The following GAB2 variants were observed in gnomAD, a reference collection of about 807,000 sequenced individuals.
GAB2 encodes GRB2-associated-binding protein 2.
A neutral mutation model predicts 65.5 loss-of-function variants in GAB2; 26 were observed. That is an observed-to-expected ratio of 0.40 (90% CI 0.29 to 0.55). GAB2 has a LOEUF of 0.55. Ranked by LOEUF, GAB2 falls within the 20% of genes least tolerant of loss-of-function variation. The probability of loss-of-function intolerance (pLI) is 0.53; values close to 1 mark genes in which losing one functional copy is unlikely to be tolerated. For missense variants in GAB2, 884 were observed against 875.8 expected (o/e 1.01, Z -0.12); for synonymous variants, 321 against 329.6 (o/e 0.97, Z 0.28).
intron 1 of GAB2, among the ~76,000 whole-genome samples, chr11:78,282,262 C>A (rs1056381303): frequency 2.6e-5 from 4 of 151,910 alleles, no homozygotes; most frequent in African/African-American, 9.7e-5. Flanking sequence ...CTACATATAA[C>A]AGAAATCTGC....
chr11:78,241,958 A>G (rs996956775), intron 3 of GAB2, among the ~76,000 whole-genome samples: 2 of 152,226 alleles, frequency 1.3e-5, no homozygotes, highest in Non-Finnish European at 2.9e-5. Context: ...GATCAAATGG[A>G]CCTAACAACA....
chr11:78,266,509 T>TA (rs1865880267), intron 2 of GAB2, among the ~76,000 whole-genome samples: 1 of 152,214 alleles, frequency 6.6e-6, no homozygotes, highest in South Asian at 2.1e-4. Context: ...GATTAAAACT[T>TA]ACATTTCTAT....
intron 1 of GAB2, among the ~76,000 whole-genome samples, chr11:78,329,070 T>C (rs376682369): frequency 1.4e-4 from 21 of 152,324 alleles, no homozygotes; most frequent in Admixed American, 4.6e-4. Context: ...AAGGAATGGA[T>C]AGACAAATAG....
chr11:78,333,578 T>C (rs1441733947), intron 1 of GAB2, among the ~76,000 whole-genome samples: 3 of 152,210 alleles, frequency 2.0e-5, no homozygotes, highest in East Asian at 1.9e-4. Flanking sequence ...CAGTGGCATA[T>C]TTTTATACAC....
rs1335395792 is a variant in GAB2, at chr11:78,216,818, G to C, written c.*2454C>G. 1 of 152,200 alleles carries C rather than the reference G, an allele frequency of 6.6e-6. No homozygotes were observed. Among genetic ancestry groups the C allele is most frequent in the African/African-American group, 2.4e-5 (1 of 41,434 alleles). 9.4% of individuals were successfully genotyped at this position (152,200 alleles called of 1,614,324 possible). On this transcript the variant is annotated 3_prime_UTR_variant, in exon 10 of 10. Transcript: ENST00000361507. ...CCAGTTAAAAGCTCTGTCGTATGGG[G>C]CCCCTTGTAGGGGGCCTTTAAGGCA...
At chr11:78,401,518 G>T (rs1488022574) in intron 1 of GAB2, among the ~76,000 whole-genome samples, 3 of 147,872 alleles carry the variant, frequency 2.0e-5, no homozygotes, top group Non-Finnish European at 4.5e-5. Flanking sequence ...GTGTGTGTGT[G>T]TGTGTGTGTG....
At chr11:78,365,210 G>C (rs1046058223) in intron 1 of GAB2, among the ~76,000 whole-genome samples, 3 of 152,176 alleles carry the variant, frequency 2.0e-5, no homozygotes, top group African/African-American at 7.2e-5. Flanking sequence ...GATAAGCAGA[G>C]GGACTTAAGT....
rs776421762 is a variant in GAB2, at chr11:78,280,659, A to T, written c.318T>A (p.Asn106Lys). Residue 106 changes from asparagine to lysine, a missense_variant, in exon 2 of 10, where the codon AAT becomes AAA. Transcript: ENST00000361507. ...YLVAETEEDM[N>K]KWVQSICQIC... ...TCTGGCAGATGCTCTGGACCCACTT[A>T]TTCATGTCCTCTTCTGTCTCAGCCA... is the stretch of plus-strand genomic sequence containing the variant. 1.9e-6 allele frequency: 3 copies of T among 1,614,158 alleles called. No homozygotes were observed. The South Asian group carries it at 3.3e-5, about 18-fold the overall frequency.
Position 78,367,307 on chromosome 11 carries a change from T to C in GAB2, c.75+50339A>G, listed in dbSNP as rs141902232. On this transcript the variant is annotated intron_variant, in intron 1 of 9. Transcript: ENST00000361507. ...AAAAATCCTGCCTTCGAAGGGCATA[T>C]GGTCTGGAAGTGTAAAGGGTCAGGT... is the stretch of plus-strand genomic sequence containing the variant. 8.3e-4 allele frequency among the ~76,000 whole-genome samples: 127 copies of C among 152,330 alleles called. 1 individual carries two copies. Among genetic ancestry groups the C allele is most frequent in the Non-Finnish European group, 1.4e-3 (98 of 68,030 alleles).
intron 3 of GAB2, among the ~76,000 whole-genome samples, chr11:78,237,697 G>A (rs1865017886): frequency 6.6e-6 from 1 of 151,826 alleles, no homozygotes; most frequent in Non-Finnish European, 1.5e-5. Flanking sequence ...GAGAGAAAAG[G>A]ATTGGAAAAA....
At chr11:78,279,132 A>G (rs1019256238) in intron 2 of GAB2, among the ~76,000 whole-genome samples, 3 of 152,236 alleles carry the variant, frequency 2.0e-5, no homozygotes, top group Non-Finnish European at 4.4e-5. Context: ...ATTATACCAA[A>G]GAACTTAATA....
At chr11:78,395,437 G>C (rs892931683) in intron 1 of GAB2, among the ~76,000 whole-genome samples, 2 of 152,202 alleles carry the variant, frequency 1.3e-5, no homozygotes, top group Non-Finnish European at 2.9e-5. Context: ...CCGGGCAACA[G>C]CAAGTCTCCA....
chr11:78,264,940 C>T (rs1384870489), intron 2 of GAB2, among the ~76,000 whole-genome samples: 1 of 152,114 alleles, frequency 6.6e-6, no homozygotes, highest in South Asian at 2.1e-4. Flanking sequence ...AAGGCAGCAA[C>T]AAGTTATTAG....
chr11:78,312,704 C>A (rs1855526136), intron 1 of GAB2, among the ~76,000 whole-genome samples: 1 of 152,228 alleles, frequency 6.6e-6, no homozygotes, highest in African/African-American at 2.4e-5. Flanking sequence ...GCTGGAATTA[C>A]AGGCGTGAGC....
chr11:78,284,388 T>C (rs1866416174), intron 1 of GAB2, among the ~76,000 whole-genome samples: 2 of 152,228 alleles, frequency 1.3e-5, no homozygotes, highest in South Asian at 4.1e-4. Flanking sequence ...CCATCTGCAA[T>C]GGCTGTTCAT....
At chr11:78,285,837 C>T (rs1866464915) in intron 1 of GAB2, among the ~76,000 whole-genome samples, 1 of 152,192 alleles carries the variant, frequency 6.6e-6, no homozygotes. Flanking sequence ...GCCTCAGTGA[C>T]AACTTCCCTG....
intron 1 of GAB2, among the ~76,000 whole-genome samples, chr11:78,327,259 TA>T (rs1855839527): frequency 1.3e-5 from 2 of 152,226 alleles, no homozygotes; most frequent in Admixed American, 1.3e-4. Context: ...AATCATGTTT[TA>T]ATTATCTTTG....
chr11:78,400,801 G>A (rs1276682207), intron 1 of GAB2, among the ~76,000 whole-genome samples: 2 of 150,184 alleles, frequency 1.3e-5, no homozygotes, highest in East Asian at 4.0e-4. Context: ...CTTCTCTGGA[G>A]GCTAAGGCAC....
intron 1 of GAB2, among the ~76,000 whole-genome samples, chr11:78,405,705 T>C (rs930552310): frequency 6.6e-6 from 1 of 151,914 alleles, no homozygotes; most frequent in Non-Finnish European, 1.5e-5. Context: ...AGGTGAAGAG[T>C]AGGCGGCAGA....
Sources: allele counts gnomAD v4.1 joint callset (sites outside exome capture counted in the v4.1 genomes callset), GRCh38; gene constraint gnomAD v4.1.1; transcripts MANE v1.5; gene names NCBI Gene and HGNC (gene_info 2026-07-23, HGNC 2026-07-21).